GPR171: variants seen among roughly 807,000 people sequenced by gnomAD.
GPR171 encodes F730001G15Rik.
A neutral mutation model predicts 16.7 loss-of-function variants in GPR171; 14 were observed. The observed-to-expected ratio is 0.84, with a 90% CI of 0.55 to 1.31. The LOEUF is 1.31. Ranked by LOEUF, GPR171 falls within the 40% of genes most tolerant of loss-of-function variation. GPR171 has a pLI of 0.00. For missense variants in GPR171, 337 were observed against 378.9 expected (o/e 0.89, Z 0.92); for synonymous variants, 134 against 135.6 (o/e 0.99, Z 0.08).
At position 151,198,919 on chromosome 3, in the gene GPR171, G is replaced by A. The variant is rs1241150026; in HGVS notation, c.468C>T (p.Asp156=). 1 of 1,613,892 alleles carries A rather than the reference G, an allele frequency of 6.2e-7. No individual in the cohort carries two copies. Among genetic ancestry groups the A allele is most frequent in the South Asian group, 1.1e-5 (1 of 91,076 alleles). The change falls in exon 3 of 3, where the codon GAC becomes GAT. Residue 156 remains aspartate, a synonymous_variant. Coordinates refer to ENST00000309180, the MANE Select transcript of GPR171 (RefSeq NM_013308.4). ...AACCCACATTTGACTTTTCCTTGAT[G>A]TCTTTGATGGGAATCATCATATTTG... is the stretch of plus-strand genomic sequence containing the variant. ...MVPNMMIPIK[D]IKEKSNVGCM...
intron 1 of GPR171, among the ~76,000 whole-genome samples, chr3:151,201,929 TATAAA>T (rs1368945505): frequency 2.6e-5 from 4 of 152,216 alleles, no homozygotes; most frequent in Admixed American, 2.0e-4. Context: ...CTTGCACAAC[TATAAA>T]ATAAGTCTGT....
Position 151,198,985 on chromosome 3 carries a change from T to G in GPR171, c.402A>C (p.Ile134=). The change falls in exon 3 of 3, where the codon ATA becomes ATC. Residue 134 remains isoleucine, a synonymous_variant. Transcript: ENST00000309180. ...GGACCATTAGCCACACAACGGTTGA[T>G]ATCATTTTGGCAAATCCGGGTTCTT... ...RIQEPGFAKM[I]STVVWLMVLL... 6.2e-7 allele frequency: 1 copy of G among 1,614,052 alleles called. No homozygotes were observed. Among genetic ancestry groups the G allele is most frequent in the Non-Finnish European group, 8.5e-7 (1 of 1,179,978 alleles).
In GPR171 at chr3:151,198,567, C is replaced by T; in HGVS notation, c.820G>A (p.Ala274Thr). 1 of 1,614,028 alleles carries T rather than the reference C, an allele frequency of 6.2e-7. No homozygotes were observed. Among genetic ancestry groups the T allele is most frequent in the Non-Finnish European group, 8.5e-7 (1 of 1,179,916 alleles). The stretch of plus-strand genomic sequence containing the variant: ...GGATCAAAGCACAGGTTCGACACAG[C>T]CAGGAGCAGTGTAGCCTCTTTGGCT... Reference protein sequence around the residue: ...FKAKEATLLLAVSNLCFDPIL... With the variant: ...FKAKEATLLLTVSNLCFDPIL... The change falls in exon 3 of 3, where the codon GCT (alanine) becomes ACT (threonine). Residue 274 changes from alanine to threonine, a missense_variant. Coordinates refer to ENST00000309180, the MANE Select transcript of GPR171 (RefSeq NM_013308.4).
Position 151,199,277 on chromosome 3 carries a change from C to T in GPR171, c.110G>A (p.Trp37Ter). The T allele has an allele frequency of 6.2e-7, 1 of 1,613,958 alleles. No homozygotes were observed. The highest frequency in any genetic ancestry group is 8.5e-7 in the Non-Finnish European group (1 of 1,179,958). ...ATTCGTATTCTTCTGTATAAAAGCC[C>T]AGGTTGCAAAACAACTTCCAATAAT... is the stretch of plus-strand genomic sequence containing the variant. The part of the protein sequence containing the change: ...VGIIGSCFAT[W>*]AFIQKNTNHR... Residue 37 changes from tryptophan to a stop codon, truncating the protein, a stop_gained, in exon 3 of 3, where the codon TGG (tryptophan) becomes TAG (stop). Coordinates refer to ENST00000309180, the MANE Select transcript of GPR171 (RefSeq NM_013308.4). LOFTEE classifies it high-confidence loss of function.
intron 1 of GPR171, among the ~76,000 whole-genome samples, chr3:151,201,958 C>T (rs181667447): frequency 9.9e-5 from 15 of 152,168 alleles, no homozygotes; most frequent in Admixed American, 7.2e-4. Context: ...ATCAATGAGA[C>T]GTATATGGTA....
chr3:151,199,723 GTTGGAAGTTAGT>G (rs1725251652), intron 2 of GPR171, among the ~76,000 whole-genome samples: 1 of 152,110 alleles, frequency 6.6e-6, no homozygotes, highest in African/African-American at 2.4e-5. Context: ...TACCAGTTGG[GTTGGAAGTTAGT>G]TTGCAGAGGA....
Position 151,198,519 on chromosome 3 carries a change from T to C in GPR171, c.868A>G (p.Lys290Glu). Residue 290 changes from lysine to glutamate, a missense_variant, in exon 3 of 3, where the codon AAA (lysine) becomes GAA (glutamate). Transcript: ENST00000309180. ...FDPILYYHLS[K>E]AFRSKVTETF... ...TCAGTGACCTTTGAGCGGAATGCTT[T>C]TGAGAGGTGATAGTACAGGATAGGA... The C allele has an allele frequency of 1.9e-6, 3 of 1,613,912 alleles. 1 individual carries two copies. The South Asian group carries it at 3.3e-5, about 18-fold the overall frequency.
Position 151,198,639 on chromosome 3 carries a change from G to C in GPR171, c.748C>G (p.Gln250Glu). Residue 250 changes from glutamine to glutamate, a missense_variant, in exon 3 of 3, where the codon CAG becomes GAG. Gln to Glu is a conservative substitution (Grantham distance 29). Transcript: ENST00000309180. Reference protein sequence around the residue: ...HIVRIPYTLSQTEVITDCSTR... With the variant: ...HIVRIPYTLSETEVITDCSTR... Reference sequence around the variant, plus strand: ...GAGCAATCAGTTATGACTTCTGTCTGGCTGAGGGTATACGGGATTCGGACA... The same window carrying C: ...GAGCAATCAGTTATGACTTCTGTCTCGCTGAGGGTATACGGGATTCGGACA... The C allele has an allele frequency of 6.2e-7, 1 of 1,613,980 alleles. No individual in the cohort carries two copies. The highest frequency in any genetic ancestry group is 1.7e-5 in the Admixed American group (1 of 60,014).
chr3:151,201,618 C>T (rs1304009578), intron 1 of GPR171, among the ~76,000 whole-genome samples: 2 of 152,168 alleles, frequency 1.3e-5, no homozygotes, highest in Non-Finnish European at 2.9e-5. Flanking sequence ...TGCATTTATC[C>T]TTACTATTCC....
chr3:151,201,223 ACTCTCTCT>A (rs58729370), intron 1 of GPR171, among the ~76,000 whole-genome samples: 5 of 147,894 alleles, frequency 3.4e-5, no homozygotes, highest in African/African-American at 9.9e-5. Context: ...ACGTGCACAC[ACTCTCTCT>A]CTCTCTCTCT....
In GPR171 at chr3:151,198,921, CTT is replaced by C; in HGVS notation, c.464_465del (p.Lys155ArgfsTer14). 6.2e-7 allele frequency: 1 copy of C among 1,614,006 alleles called. No individual in the cohort carries two copies. Among genetic ancestry groups the C allele is most frequent in the South Asian group, 1.1e-5 (1 of 91,080 alleles). On this transcript the variant is annotated frameshift_variant, in exon 3 of 3. Coordinates refer to ENST00000309180, the MANE Select transcript of GPR171 (RefSeq NM_013308.4). LOFTEE classifies it high-confidence loss of function. Reference protein sequence around the residue: ...IMVPNMMIPIKDIKEKSNVGC... With the variant: ...IMVPNMMIPIXDIKEKSNVGC... ...CCCACATTTGACTTTTCCTTGATGTCTTTGATGGGAATCATCATATTTGGCAC... is the reference window on the plus strand; with the variant it reads ...CCCACATTTGACTTTTCCTTGATGTCTGATGGGAATCATCATATTTGGCAC...
rs752246127 is a variant in GPR171, at chr3:151,199,054, G to T, written c.333C>A (p.Asp111Glu). ...AGCTGTGTGTCAGCTGAAGACAGCG[G>T]TCAATGCTGACAAATGCTAAGAAGA... ...SIIFLAFVSIDRCLQLTHSCK... is the reference protein window; with the variant it reads ...SIIFLAFVSIERCLQLTHSCK... Residue 111 changes from aspartate (D) to glutamate (E), a missense_variant, in exon 3 of 3, where the codon GAC becomes GAA. Transcript: ENST00000309180. The T allele has an allele frequency of 6.2e-6, 10 of 1,613,892 alleles. No individual in the cohort carries two copies. Among genetic ancestry groups the T allele is most frequent in the Non-Finnish European group, 7.6e-6 (9 of 1,179,910 alleles).
At chr3:151,201,669 A>G (rs912300311) in intron 1 of GPR171, among the ~76,000 whole-genome samples, 1 of 152,202 alleles carries the variant, frequency 6.6e-6, no homozygotes, top group East Asian at 1.9e-4. Flanking sequence ...AGCTCCTCAC[A>G]TCTGAAAGCT....
At chr3:151,203,062 CG>C (rs1231769428) in intron 1 of GPR171, 41 bp downstream of exon 1, 3 of 151,990 alleles carry the variant, frequency 2.0e-5, no homozygotes, top group African/African-American at 7.3e-5. Context: ...TTGTTTTCCA[CG>C]GAAAAGCATT....
Position 151,198,325 on chromosome 3 carries a change from A to T in GPR171, c.*102T>A, listed in dbSNP as rs565049585. 4.3e-6 allele frequency: 4 copies of T among 934,684 alleles called. No homozygotes were observed. In the African/African-American group the frequency reaches 6.9e-5, roughly 16 times the overall value. The allele number at this position is 934,684 out of a possible 1,614,324, so 57.9% of individuals were successfully genotyped here. A position where few individuals can be genotyped will look rare whatever the true frequency, so the allele number is the denominator to read the frequency against. ...ATTTGCTAGCTAACTGTATTTTTTC[A>T]TACTGAGTTTTTTTTTGTTTTTTTT... On this transcript the variant is annotated 3_prime_UTR_variant, in exon 3 of 3. Transcript: ENST00000309180.
At chr3:151,201,593 A>G (rs1175141231) in intron 1 of GPR171, among the ~76,000 whole-genome samples, 2 of 152,214 alleles carry the variant, frequency 1.3e-5, no homozygotes, top group East Asian at 1.9e-4. Context: ...CTTATTGGTC[A>G]TCTTCTAAGC....
chr3:151,202,776 C>T (rs1725811035), intron 1 of GPR171, among the ~76,000 whole-genome samples: 1 of 152,222 alleles, frequency 6.6e-6, no homozygotes, highest in Admixed American at 6.5e-5. Flanking sequence ...GGAAAGTCAT[C>T]TTAAGGCCTG....
At chr3:151,201,224 C>T (rs1262675850) in intron 1 of GPR171, among the ~76,000 whole-genome samples, 1 of 116,032 alleles carries the variant, frequency 8.6e-6, no homozygotes, top group Non-Finnish European at 1.7e-5. Flanking sequence ...CGTGCACACA[C>T]TCTCTCTCTC....
Position 151,200,922 on chromosome 3 carries a change from G to A in GPR171, c.-67C>T, listed in dbSNP as rs962674474. 6.6e-6 allele frequency: 1 copy of A among 152,196 alleles called. No homozygotes were observed. The highest frequency in any genetic ancestry group is 2.4e-5 in the African/African-American group (1 of 41,444). 9.4% of individuals were successfully genotyped at this position (152,196 alleles called of 1,614,324 possible). On this transcript the variant is annotated 5_prime_UTR_variant, in exon 2 of 3. Coordinates refer to ENST00000309180, the MANE Select transcript of GPR171 (RefSeq NM_013308.4). ...GGGGTTACTTACCCAAGGTTGTGTA[G>A]CTGGTAAGATATAAAGCCAGGATTC...
Sources: gnomAD v4.1 joint callset for allele counts (sites outside exome capture counted in the v4.1 genomes callset) on GRCh38, gnomAD v4.1.1 for gene constraint, MANE v1.5 for transcripts, NCBI Gene and HGNC (gene_info 2026-07-23, HGNC 2026-07-21) for gene names.